CLEC16A: variants seen among roughly 807,000 people sequenced by gnomAD.
CLEC16A encodes the protein C-type lectin domain containing 16A.
In CLEC16A, 51 loss-of-function variants were observed where a neutral mutation model predicts 109.5. The observed-to-expected ratio is 0.47, with a 90% CI of 0.37 to 0.59. The LOEUF (loss-of-function observed/expected upper bound fraction) is 0.59. Ranked by LOEUF, CLEC16A falls within the 20% of genes least tolerant of loss-of-function variation. The probability of loss-of-function intolerance (pLI) is 0.00; values close to 1 mark genes in which losing one functional copy is unlikely to be tolerated. For missense variants in CLEC16A, 1,339 were observed against 1,394.0 expected (o/e 0.96, Z 0.63); for synonymous variants, 673 against 564.2 (o/e 1.19, Z -2.73).
At chr16:11,141,175 A>G (rs1255394632) in intron 22 of CLEC16A, among the ~76,000 whole-genome samples, 2 of 152,174 alleles carry the variant, frequency 1.3e-5, no homozygotes, top group Admixed American at 1.3e-4. Context: ...GGGTCCTCCC[A>G]AGTATTCTAG....
intron 10 of CLEC16A, among the ~76,000 whole-genome samples, chr16:10,986,727 CTCAATGTGTG>C (rs1359377082): frequency 4.0e-5 from 2 of 50,548 alleles, no homozygotes; most frequent in South Asian, 5.1e-4. Context: ...TTCTTTAAGG[CTCAATGTGTG>C]TGTGTGTGTG....
chr16:11,120,766 G>C lies in CLEC16A; in HGVS notation c.2268G>C (p.Gln756His). Residue 756 changes from glutamine to histidine, a missense_variant and splice_region_variant, in exon 20 of 24, where the codon CAG becomes CAC. By Grantham distance (24) the Gln-to-His change is conservative (BLOSUM62 0). Around this residue, in one of 3 missense-constraint regions of CLEC16A, gnomAD observed 1,061 missense variants for 1,006.8 expected, o/e 1.05. Coordinates refer to ENST00000409790, the MANE Select transcript of CLEC16A (RefSeq NM_015226.3). Reference protein sequence around the residue: ...WGVVKFAGLLQDMQVTGVEDD... With the variant: ...WGVVKFAGLLHDMQVTGVEDD... ...TGGTCAAGTTTGCAGGCCTATTGCA[G>C]GTAAGATGGCCAGGAGCTCTGGGAT... 12 of 1,531,318 alleles carry C rather than the reference G, an allele frequency of 7.8e-6. No individual in the cohort carries two copies. The highest frequency in any genetic ancestry group is 1.1e-5 in the Non-Finnish European group (12 of 1,132,994). The allele number at this position is 1,531,318 out of a possible 1,614,324, so 94.9% of individuals were successfully genotyped here.
chr16:11,023,118 G>A (rs760297025), intron 12 of CLEC16A, among the ~76,000 whole-genome samples: 17 of 126,038 alleles, frequency 1.3e-4, no homozygotes, highest in Non-Finnish European at 2.3e-4. Flanking sequence ...TTTTTTTTCC[G>A]ATGTGAACTT....
At position 11,039,883 on chromosome 16, in the gene CLEC16A, A is replaced by T; in HGVS notation, c.1660+7A>T. ...AACAACGCTGCCCAGCCAGGTGCCC[A>T]CTTGGGGTGTTGTCTGTCCACAGGG... On this transcript the variant is annotated splice_region_variant and intron_variant, in intron 14 of 23. Transcript: ENST00000409790. 1 of 1,611,612 alleles carries T rather than the reference A, an allele frequency of 6.2e-7. No homozygotes were observed. Among genetic ancestry groups the T allele is most frequent in the Non-Finnish European group, 8.5e-7 (1 of 1,178,904 alleles).
chr16:11,012,535 T>C lies in CLEC16A; in HGVS notation c.1304-7658T>C, dbSNP rs1306531300. Among the ~76,000 whole-genome samples the C allele has an allele frequency of 2.1e-4, 28 of 130,492 alleles. No individual in the cohort carries two copies. The East Asian group carries it at 6.1e-3, about 28-fold the overall frequency. The allele number at this position is 130,492 out of a possible 152,430, so 85.6% of individuals were successfully genotyped here. ...GCGTGAACCCGGGAGGCGGAGCTTG[T>C]GGTGAGCCGAGATCACGCCACTGCA... is the stretch of plus-strand genomic sequence containing the variant. On this transcript the variant is annotated intron_variant, in intron 11 of 23. Coordinates refer to ENST00000409790, the MANE Select transcript of CLEC16A (RefSeq NM_015226.3).
intron 19 of CLEC16A, among the ~76,000 whole-genome samples, chr16:11,065,133 T>A (rs1263284226): frequency 6.6e-6 from 1 of 152,226 alleles, no homozygotes; most frequent in Non-Finnish European, 1.5e-5. Context: ...CTCACTCCAG[T>A]GTGCCTCCTG....
intron 10 of CLEC16A, among the ~76,000 whole-genome samples, chr16:10,997,327 A>G (rs982071843): frequency 2.6e-5 from 4 of 152,216 alleles, no homozygotes; most frequent in Admixed American, 1.3e-4. Context: ...TAGTAATCTT[A>G]GATGTACTGC....
intron 18 of CLEC16A, among the ~76,000 whole-genome samples, chr16:11,060,534 G>A (rs1459574534): frequency 3.3e-5 from 5 of 152,220 alleles, no homozygotes; most frequent in African/African-American, 1.2e-4. Context: ...GCCTGGGCAG[G>A]TCACTTCACC....
At chr16:11,122,852 C>T (rs976748999) in intron 20 of CLEC16A, among the ~76,000 whole-genome samples, 1 of 149,030 alleles carries the variant, frequency 6.7e-6, no homozygotes, top group Non-Finnish European at 1.5e-5. Context: ...CTTTGAAACA[C>T]AGTTTCCTTC....
At chr16:10,984,954 C>T (rs998555975) in intron 10 of CLEC16A, among the ~76,000 whole-genome samples, 1 of 152,134 alleles carries the variant, frequency 6.6e-6, no homozygotes, top group Admixed American at 6.5e-5. Flanking sequence ...GTAATCCCAG[C>T]ACTTTGGGAG....
chr16:11,092,914 A>C (rs1335314357), intron 19 of CLEC16A, among the ~76,000 whole-genome samples: 1 of 152,190 alleles, frequency 6.6e-6, no homozygotes, highest in Non-Finnish European at 1.5e-5. Context: ...CGTTATCCTC[A>C]TCATCATGAC....
chr16:11,069,973 G>T (rs1597280499), intron 19 of CLEC16A, among the ~76,000 whole-genome samples: 2 of 152,156 alleles, frequency 1.3e-5, no homozygotes, highest in East Asian at 3.9e-4. Flanking sequence ...GTCCTCTGAG[G>T]GGTTCTGGAA....
chr16:11,136,782 G>T (rs1198065722), intron 22 of CLEC16A, among the ~76,000 whole-genome samples: 3 of 152,230 alleles, frequency 2.0e-5, no homozygotes, highest in Non-Finnish European at 4.4e-5. Flanking sequence ...CACAAATTGG[G>T]CCTCCAGCCC....
At chr16:10,993,940 C>T (rs1028895907) in intron 10 of CLEC16A, among the ~76,000 whole-genome samples, 1 of 152,188 alleles carries the variant, frequency 6.6e-6, no homozygotes, top group Non-Finnish European at 1.5e-5. Flanking sequence ...GGAGGCTGGC[C>T]CCCTACAGAC....
At chr16:11,046,738 A>G (rs1402247382) in intron 16 of CLEC16A, among the ~76,000 whole-genome samples, 1 of 152,212 alleles carries the variant, frequency 6.6e-6, no homozygotes, top group Non-Finnish European at 1.5e-5. Flanking sequence ...AACCAAGACT[A>G]TGCCCACCGT....
intron 19 of CLEC16A, chr16:11,070,805 C>G (rs1279533202): frequency 6.6e-6 from 1 of 152,248 alleles, no homozygotes; most frequent in African/African-American, 2.4e-5. Flanking sequence ...TGCCTTCTTA[C>G]CAACCCCAAC....
At chr16:11,087,213 C>T (rs983507020) in intron 19 of CLEC16A, among the ~76,000 whole-genome samples, 1 of 152,134 alleles carries the variant, frequency 6.6e-6, no homozygotes, top group African/African-American at 2.4e-5. Flanking sequence ...GTCCCCACCC[C>T]CATCCCCCAC....
chr16:10,962,172 G>A (rs1394903104), intron 2 of CLEC16A, among the ~76,000 whole-genome samples: 1 of 151,860 alleles, frequency 6.6e-6, no homozygotes, highest in Non-Finnish European at 1.5e-5. Flanking sequence ...GCTGGGTCTT[G>A]AACTGGCCTC....
chr16:11,119,283 A>G (rs150900656), intron 19 of CLEC16A, among the ~76,000 whole-genome samples: 166 of 152,226 alleles, frequency 1.1e-3, no homozygotes, highest in African/African-American at 4.0e-3. Flanking sequence ...AATTACAGGC[A>G]TGAGCCACAG....
Sources: gnomAD v4.1 joint callset for allele counts (sites outside exome capture counted in the v4.1 genomes callset) on GRCh38, gnomAD v4.1.1 for gene constraint, gnomAD v4.1.1 regional missense constraint, MANE v1.5 for transcripts, NCBI Gene and HGNC (gene_info 2026-07-23, HGNC 2026-07-21) for gene names.